PTPRC: variants seen among roughly 807,000 people sequenced by gnomAD.
PTPRC encodes the protein protein tyrosine phosphatase receptor type C.
Under a neutral mutation model 155.9 loss-of-function variants are expected in PTPRC, and 44 were observed. The ratio of observed to expected loss-of-function variants is 0.28; its 90% CI spans 0.22 to 0.36. The LOEUF (loss-of-function observed/expected upper bound fraction) is 0.36, where lower values mean the gene tolerates loss of function less well. PTPRC is among the 10% of genes least tolerant of loss of function. The pLI is 1.00. For missense variants in PTPRC, 1,401 were observed against 1,564.6 expected, an observed-to-expected ratio of 0.90 and a Z score of 1.76; for synonymous variants, 525 against 533.1, an observed-to-expected ratio of 0.98 and a Z score of 0.21.
At chr1:198,664,727 G>A (rs1047215914) in intron 2 of PTPRC, among the ~76,000 whole-genome samples, 1 of 152,068 alleles carries the variant, frequency 6.6e-6, no homozygotes, top group African/African-American at 2.4e-5. Flanking sequence ...GGCTGTTTGG[G>A]AAGACTACAA....
chr1:198,754,020 A>AAAAG (rs1655506209), intron 31 of PTPRC, among the ~76,000 whole-genome samples: 1 of 152,114 alleles, frequency 6.6e-6, no homozygotes, highest in African/African-American at 2.4e-5. Flanking sequence ...AATACTAAAT[A>AAAAG]AAAGAAAATA....
At chr1:198,648,816 A>T (rs916176665) in intron 2 of PTPRC, among the ~76,000 whole-genome samples, 8 of 151,878 alleles carry the variant, frequency 5.3e-5, no homozygotes, top group African/African-American at 1.9e-4. Flanking sequence ...GTCTGTCTTG[A>T]GGTGAGTGAT....
Position 198,699,664 on chromosome 1 carries a change from T to A in PTPRC, c.399T>A (p.Asn133Lys). The change falls in exon 5 of 33, where the codon AAT becomes AAA. Residue 133 changes from asparagine (N) to lysine (K), a missense_variant. Transcript: ENST00000442510. Reference sequence around the variant, plus strand: ...AGACATTCAGCGGCTCCGCCGCCAATGCAAAACTCAACCCTACCCCAGGCA... The same window carrying A: ...AGACATTCAGCGGCTCCGCCGCCAAAGCAAAACTCAACCCTACCCCAGGCA... ...DTQTFSGSAA[N>K]AKLNPTPGSN... The A allele has an allele frequency of 1.2e-6, 2 of 1,614,204 alleles. No homozygotes were observed. Among genetic ancestry groups the A allele is most frequent in the Non-Finnish European group, 8.5e-7 (1 of 1,180,042 alleles).
At chr1:198,683,237 A>G (rs775295196) in intron 2 of PTPRC, among the ~76,000 whole-genome samples, 2 of 152,190 alleles carry the variant, frequency 1.3e-5, no homozygotes, top group Non-Finnish European at 2.9e-5. Flanking sequence ...TTCACATAGT[A>G]CCCGCTTATT....
At chr1:198,750,255 T>C (rs1476700319) in intron 28 of PTPRC, 5 of 513,774 alleles carry the variant, frequency 9.7e-6, no homozygotes, top group Admixed American at 6.4e-5. Context: ...AAGGAAAATT[T>C]GTTTCGCAAG....
At chr1:198,720,834 G>C (rs1459107425) in intron 14 of PTPRC, among the ~76,000 whole-genome samples, 1 of 151,866 alleles carries the variant, frequency 6.6e-6, no homozygotes, top group Non-Finnish European at 1.5e-5. Flanking sequence ...TTTTCTTATT[G>C]TCACATCATT....
chr1:198,648,975 C>A (rs35320232), intron 2 of PTPRC, among the ~76,000 whole-genome samples: 22,863 of 151,616 alleles, frequency 0.15, 2,314 homozygotes, highest in Non-Finnish European at 0.22. Flanking sequence ...ACACTTTGAT[C>A]ATGGAAAACA....
rs377312849 is a variant in PTPRC, at chr1:198,741,863, G to A, written c.2404-6G>A. ...CATCTCAAAGAAAATATTATCTCTTGACTAGAAAAAAGAAAAAGCAACTGG... is the reference window on the plus strand; with the variant it reads ...CATCTCAAAGAAAATATTATCTCTTAACTAGAAAAAAGAAAAAGCAACTGG... On this transcript the variant is annotated splice_polypyrimidine_tract_variant and splice_region_variant and intron_variant, in intron 23 of 32. Coordinates refer to ENST00000442510, the MANE Select transcript of PTPRC (RefSeq NM_002838.5). The A allele has an allele frequency of 4.2e-5, 67 of 1,610,606 alleles. No homozygotes were observed. The African/African-American group carries it at 6.8e-4, about 16-fold the overall frequency.
rs1171344474 is a variant in PTPRC at position 198,756,413 on chromosome 1, A to ACTT, written c.*236_*238dup. The ACTT allele has an allele frequency of 8.9e-6, 5 of 563,082 alleles. No homozygotes were observed. The highest frequency in any genetic ancestry group is 1.6e-5 in the Non-Finnish European group (5 of 322,506). 34.9% of individuals were successfully genotyped at this position (563,082 alleles called of 1,614,324 possible). On this transcript the variant is annotated 3_prime_UTR_variant, in exon 33 of 33. Coordinates refer to ENST00000442510, the MANE Select transcript of PTPRC (RefSeq NM_002838.5). The stretch of plus-strand genomic sequence containing the variant: ...TTTATCTCTTATTCAGTAAAAAACA[A>ACTT]CTTCTTTGTAATCGTTATGTGTGTA...
rs1027514462 is a variant in PTPRC at position 198,706,769 on chromosome 1, T to C, written c.721T>C (p.Tyr241His). 2.6e-5 allele frequency: 42 copies of C among 1,611,998 alleles called. No individual in the cohort carries two copies. Among genetic ancestry groups the C allele is most frequent in the African/African-American group, 6.7e-5 (5 of 74,988 alleles). ...TGCAAACATCACTGTGGATTACTTA[T>C]ATAACAAGGAAACTAAATTATTTAC... ...KYANITVDYLYNKETKLFTAK... is the reference protein window; with the variant it reads ...KYANITVDYLHNKETKLFTAK... Residue 241 changes from tyrosine (Y) to histidine (H), a missense_variant, in exon 9 of 33, where the codon TAT (tyrosine) becomes CAT (histidine). Physicochemically the swap from Tyr to His is moderately conservative, Grantham distance 83. This residue lies in a region of PTPRC where 867 missense variants were observed against 970.4 expected (regional missense o/e 0.89). Transcript: ENST00000442510.
At position 198,649,945 on chromosome 1, in the gene PTPRC, G is replaced by A. The variant is rs1663152914; in HGVS notation, c.73+10604G>A. ...TTTAATCTGGCCAGACCCAGATTTAGGGGTGAATGCACTTTTAGACAGAGT... is the reference window on the plus strand; with the variant it reads ...TTTAATCTGGCCAGACCCAGATTTAAGGGTGAATGCACTTTTAGACAGAGT... On this transcript the variant is annotated intron_variant, in intron 2 of 32. Transcript: ENST00000442510. Among the ~76,000 whole-genome samples the A allele has an allele frequency of 1.3e-5, 2 of 151,836 alleles. 1 individual carries two copies. Among genetic ancestry groups the A allele is most frequent in the Admixed American group, 1.3e-4 (2 of 15,186 alleles).
At chr1:198,713,158 C>T (rs1653398261) in intron 12 of PTPRC, 86 bp downstream of exon 12, 2 of 1,582,256 alleles carry the variant, frequency 1.3e-6, no homozygotes, top group Non-Finnish European at 1.7e-6. Context: ...CAGTGAGTCA[C>T]AAAGCTCTCT....
intron 2 of PTPRC, among the ~76,000 whole-genome samples, chr1:198,687,179 G>A (rs1372643826): frequency 6.6e-6 from 1 of 152,148 alleles, no homozygotes; most frequent in Non-Finnish European, 1.5e-5. Context: ...TTTAAGTAGA[G>A]ACGAGGTTTT....
intron 5 of PTPRC, 149 bp downstream of exon 5, chr1:198,699,853 GAAAC>G (rs1666383433): frequency 2.0e-6 from 2 of 992,214 alleles, no homozygotes; most frequent in African/African-American, 3.2e-5. Flanking sequence ...TTAGGAATAT[GAAAC>G]CACAGAACAA....
chr1:198,649,341 CT>C, intron 2 of PTPRC, among the ~76,000 whole-genome samples: 1 of 151,830 alleles, frequency 6.6e-6, no homozygotes, highest in South Asian at 2.1e-4. Flanking sequence ...CTTATTGATG[CT>C]TTAGGTATGA....
intron 2 of PTPRC, among the ~76,000 whole-genome samples, chr1:198,641,090 T>C (rs1177052362): frequency 6.6e-6 from 1 of 152,032 alleles, no homozygotes; most frequent in Non-Finnish European, 1.5e-5. Flanking sequence ...TTTTGAAAAC[T>C]CAACTTTATC....
intron 23 of PTPRC, among the ~76,000 whole-genome samples, chr1:198,737,088 T>C (rs1270125003): frequency 6.6e-6 from 1 of 151,804 alleles, no homozygotes; most frequent in African/African-American, 2.4e-5. Flanking sequence ...TTCTGGATAT[T>C]AATGCTTTGT....
At chr1:198,695,753 C>T (rs559119546) in intron 3 of PTPRC, among the ~76,000 whole-genome samples, 18 of 152,246 alleles carry the variant, frequency 1.2e-4, no homozygotes, top group African/African-American at 3.6e-4. Context: ...GTTATCATGA[C>T]GTCAAAGACA....
At chr1:198,750,411 A>G (rs770041546) in intron 28 of PTPRC, 81 bp from the exon 29 acceptor site, 5 of 1,433,420 alleles carry the variant, frequency 3.5e-6, no homozygotes, top group Admixed American at 3.4e-5. Flanking sequence ...CAAACTGACT[A>G]TATTTCCAAA....
Sources: allele counts gnomAD v4.1 joint callset (sites outside exome capture counted in the v4.1 genomes callset), GRCh38; gene constraint gnomAD v4.1.1; regional missense constraint gnomAD v4.1.1; transcripts MANE v1.5; gene names NCBI Gene and HGNC (gene_info 2026-07-23, HGNC 2026-07-21).